The following PPARG variants were observed in gnomAD, a reference collection of about 807,000 sequenced individuals.
The protein encoded by PPARG is peroxisome proliferator activated receptor gamma.
A neutral mutation model predicts 39.2 loss-of-function variants in PPARG; 17 were observed. That is an observed-to-expected ratio of 0.43 (90% confidence interval 0.30 to 0.65). PPARG has a LOEUF of 0.65. Among genes scored for constraint, PPARG ranks in the 30% least tolerant of loss-of-function variants. The pLI is 0.13. For synonymous variants in PPARG, 223 were observed against 215.7 expected (o/e 1.03, Z -0.30); for missense variants, 406 against 585.9 (o/e 0.69, Z 3.17).
At chr3:12,428,717 T>A (rs2051545975) in intron 7 of PPARG, among the ~76,000 whole-genome samples, 1 of 152,132 alleles carries the variant, frequency 6.6e-6, no homozygotes, top group Non-Finnish European at 1.5e-5. Context: ...GGGTGGAGGG[T>A]AGGGAACAAC....
At chr3:12,429,088 G>A (rs1485238194) in intron 7 of PPARG, among the ~76,000 whole-genome samples, 1 of 152,072 alleles carries the variant, frequency 6.6e-6, no homozygotes, top group Non-Finnish European at 1.5e-5. Context: ...TTGCCTTAAC[G>A]GAGGCTCAGT....
intron 1 of PPARG, among the ~76,000 whole-genome samples, chr3:12,304,409 C>T (rs947769274): frequency 6.6e-6 from 1 of 152,122 alleles, no homozygotes; most frequent in Non-Finnish European, 1.5e-5. Flanking sequence ...ATGTGGAGGA[C>T]GTAGACTCCT....
At chr3:12,354,531 G>A (rs765736501) in intron 2 of PPARG, among the ~76,000 whole-genome samples, 1 of 151,978 alleles carries the variant, frequency 6.6e-6, no homozygotes, top group Non-Finnish European at 1.5e-5. Flanking sequence ...AGATCACGAG[G>A]TCAGGAGGTC....
intron 6 of PPARG, among the ~76,000 whole-genome samples, chr3:12,409,378 A>G (rs2050793514): frequency 6.6e-6 from 1 of 152,054 alleles, no homozygotes; most frequent in Non-Finnish European, 1.5e-5. Context: ...CAAATTAAGC[A>G]CTAGTGGAAA....
At chr3:12,309,785 T>C (rs542060047) in intron 1 of PPARG, among the ~76,000 whole-genome samples, 23 of 152,272 alleles carry the variant, frequency 1.5e-4, no homozygotes, top group Non-Finnish European at 2.5e-4. Context: ...TGGCCTGCCT[T>C]ATTATTTACT....
intron 2 of PPARG, among the ~76,000 whole-genome samples, chr3:12,360,070 C>T (rs2048792852): frequency 6.6e-6 from 1 of 152,166 alleles, no homozygotes; most frequent in African/African-American, 2.4e-5. Context: ...TTAGCCTTCA[C>T]TGTGCAAGGA....
At chr3:12,366,188 AAATGT>A (rs2049009761) in intron 2 of PPARG, among the ~76,000 whole-genome samples, 1 of 152,138 alleles carries the variant, frequency 6.6e-6, no homozygotes, top group Non-Finnish European at 1.5e-5. Flanking sequence ...ATTATGAGGA[AAATGT>A]AATGTCTGTT....
intron 1 of PPARG, among the ~76,000 whole-genome samples, chr3:12,300,507 A>C (rs373975207): frequency 2.2e-4 from 34 of 152,254 alleles, no homozygotes; most frequent in African/African-American, 8.2e-4. Flanking sequence ...GTGAACATTA[A>C]ATTTTTAAAT....
upstream of PPARG, chr3:12,288,849 C>T (rs2046576593): frequency 6.6e-6 from 1 of 152,298 alleles, no homozygotes. Flanking sequence ...TTTGTGGGCT[C>T]CTGCAAGTGC....
chr3:12,384,323 C>T (rs1294131576), intron 4 of PPARG, among the ~76,000 whole-genome samples: 1 of 151,886 alleles, frequency 6.6e-6, no homozygotes, highest in East Asian at 1.9e-4. Flanking sequence ...AAATATTTAC[C>T]TTATAAAATA....
intron 2 of PPARG, among the ~76,000 whole-genome samples, chr3:12,317,410 G>T (rs1362135882): frequency 6.6e-6 from 1 of 152,086 alleles, no homozygotes; most frequent in Non-Finnish European, 1.5e-5. Flanking sequence ...GTTCACATGT[G>T]TATGCTTTTT....
chr3:12,388,163 GA>G (rs924840838), intron 4 of PPARG, among the ~76,000 whole-genome samples: 8 of 150,988 alleles, frequency 5.3e-5, no homozygotes, highest in African/African-American at 1.5e-4. Context: ...GTTCATCTGT[GA>G]AAAAAAAACT....
At chr3:12,341,303 A>G (rs1476608313) in intron 2 of PPARG, among the ~76,000 whole-genome samples, 1 of 152,262 alleles carries the variant, frequency 6.6e-6, no homozygotes, top group Non-Finnish European at 1.5e-5. Flanking sequence ...AAAATAGCTG[A>G]AAAAGAAAAA....
chr3:12,354,447 C>T (rs866298133), intron 2 of PPARG, among the ~76,000 whole-genome samples: 7 of 147,524 alleles, frequency 4.7e-5, no homozygotes, highest in Admixed American at 1.4e-4. Context: ...TAGAAGGCTC[C>T]GTTTAAAAAA....
intron 5 of PPARG, among the ~76,000 whole-genome samples, chr3:12,393,859 C>T (rs2050167530): frequency 6.6e-6 from 1 of 151,976 alleles, no homozygotes; most frequent in Admixed American, 6.6e-5. Flanking sequence ...TAATAACCTA[C>T]CCTTTAAAAA....
In PPARG at chr3:12,330,022, G is replaced by A. The variant is rs2047808767; in HGVS notation, c.-9+17569G>A. On this transcript the variant is annotated intron_variant, in intron 2 of 7. Transcript: ENST00000651735. ...CCCTTGCATGGATATATACCACATT[G>A]TGTTTCTCCATTCATCTACTGATGG... 2.0e-5 allele frequency among the ~76,000 whole-genome samples: 3 copies of A among 152,034 alleles called. 1 individual carries two copies. Among genetic ancestry groups the A allele is most frequent in the Admixed American group, 2.0e-4 (3 of 15,262 alleles).
At chr3:12,297,230 A>G (rs947499956) in intron 1 of PPARG, among the ~76,000 whole-genome samples, 8 of 152,214 alleles carry the variant, frequency 5.3e-5, no homozygotes, top group Non-Finnish European at 7.3e-5. Context: ...CAATTTAGAA[A>G]CTACTCACAA....
chr3:12,409,047 T>C (rs571911363), intron 6 of PPARG, among the ~76,000 whole-genome samples: 1 of 152,300 alleles, frequency 6.6e-6, no homozygotes, highest in East Asian at 1.9e-4. Context: ...AATGCTTGAT[T>C]ATGGGCTTTT....
chr3:12,402,465 A>G (rs575947071), intron 5 of PPARG, among the ~76,000 whole-genome samples: 11 of 151,832 alleles, frequency 7.2e-5, no homozygotes, highest in South Asian at 2.1e-4. Flanking sequence ...TTAACCTACT[A>G]TGTGTATTTT....
Sources: allele counts gnomAD v4.1 joint callset (sites outside exome capture counted in the v4.1 genomes callset), GRCh38; gene constraint gnomAD v4.1.1; transcripts MANE v1.5; gene names NCBI Gene and HGNC (gene_info 2026-07-23, HGNC 2026-07-21).